NRXN3: variants seen among roughly 807,000 people sequenced by gnomAD.
NRXN3 encodes the protein neurexin III.
Under a neutral mutation model 137.6 loss-of-function variants are expected in NRXN3, and 32 were observed. That is an observed-to-expected ratio of 0.23 (90% CI 0.18 to 0.31). The LOEUF (loss-of-function observed/expected upper bound fraction) is 0.31, where lower values mean the gene tolerates loss of function less well. NRXN3 is among the 10% of genes least tolerant of loss of function. The pLI, the probability that NRXN3 is intolerant of heterozygous loss-of-function variation, is 1.00. For missense variants in NRXN3, 1,574 were observed against 2,062.5 expected, an observed-to-expected ratio of 0.76 and a Z score of 4.59; for synonymous variants, 798 against 784.5, an observed-to-expected ratio of 1.02 and a Z score of -0.29.
chr14:79,070,103 T>TA (rs1380633801), intron 15 of NRXN3, among the ~76,000 whole-genome samples: 1 of 152,184 alleles, frequency 6.6e-6, no homozygotes, highest in Admixed American at 6.6e-5. Flanking sequence ...GGAAGGATGT[T>TA]ATGACCCTCT....
rs375322640 is a variant in NRXN3, at chr14:78,525,236, CTAAA to C, written c.758-119881_758-119878del. 2.2e-4 allele frequency among the ~76,000 whole-genome samples: 33 copies of C among 152,238 alleles called. 1 individual carries two copies. The highest frequency in any genetic ancestry group is 5.8e-4 in the African/African-American group (24 of 41,538). On this transcript the variant is annotated intron_variant, in intron 4 of 20. Transcript: ENST00000335750. ...GCTTTCAAAATTTAGTAGGGGAAAA[CTAAA>C]TAGAGGCTTTCTCCCTTGTCTCAAA...
At chr14:78,487,742 CATAA>C (rs10601165) in intron 4 of NRXN3, among the ~76,000 whole-genome samples, 42,128 of 140,818 alleles carry the variant, frequency 0.3, 6,431 homozygotes, top group Non-Finnish European at 0.32. Context: ...AACTCCATCT[CATAA>C]ATAAATAAAT....
At chr14:78,334,590 T>C (rs1416823099) in intron 4 of NRXN3, among the ~76,000 whole-genome samples, 1 of 152,318 alleles carries the variant, frequency 6.6e-6, no homozygotes, top group East Asian at 1.9e-4. Flanking sequence ...GCGTGTTTGT[T>C]TTTTAAAGTG....
intron 15 of NRXN3, among the ~76,000 whole-genome samples, chr14:79,080,865 G>T (rs1340668663): frequency 6.6e-6 from 1 of 152,126 alleles, no homozygotes; most frequent in Non-Finnish European, 1.5e-5. Context: ...CCTGATTGAT[G>T]AAGATTTAGT....
intron 1 of NRXN3, among the ~76,000 whole-genome samples, chr14:78,196,277 G>A (rs919236026): frequency 4.6e-5 from 7 of 152,236 alleles, no homozygotes; most frequent in Non-Finnish European, 8.8e-5. Flanking sequence ...GCCATAGAGG[G>A]CAAATTCTCA....
intron 15 of NRXN3, among the ~76,000 whole-genome samples, chr14:79,427,593 A>G (rs1205113182): frequency 6.6e-6 from 1 of 152,166 alleles, no homozygotes; most frequent in Non-Finnish European, 1.5e-5. Flanking sequence ...TGGGTGACTC[A>G]CTTCAGGTCG....
chr14:78,750,389 T>C (rs1438439072), intron 8 of NRXN3, among the ~76,000 whole-genome samples: 1 of 151,874 alleles, frequency 6.6e-6, no homozygotes, highest in Admixed American at 6.6e-5. Context: ...CGTAGGAGAG[T>C]AGGTGATCTT....
chr14:78,186,138 TG>T (rs1345494888), intron 1 of NRXN3, among the ~76,000 whole-genome samples: 1 of 152,182 alleles, frequency 6.6e-6, no homozygotes, highest in Non-Finnish European at 1.5e-5. Flanking sequence ...ATCTAGTCCA[TG>T]GAGGTACATT....
intron 10 of NRXN3, among the ~76,000 whole-genome samples, chr14:78,904,118 T>C (rs947605046): frequency 6.6e-6 from 1 of 152,100 alleles, no homozygotes; most frequent in African/African-American, 2.4e-5. Flanking sequence ...ATTATTCAGA[T>C]AGTAAAAGGC....
intron 15 of NRXN3, among the ~76,000 whole-genome samples, chr14:79,323,291 C>T (rs1048909145): frequency 4.6e-5 from 7 of 152,130 alleles, no homozygotes; most frequent in African/African-American, 1.4e-4. Flanking sequence ...ATCCTCTTGT[C>T]TTAGTCTTCC....
intron 15 of NRXN3, among the ~76,000 whole-genome samples, chr14:79,201,821 A>T (rs2066053508): frequency 6.6e-6 from 1 of 152,238 alleles, no homozygotes; most frequent in Non-Finnish European, 1.5e-5. Context: ...ACCTTTTGCC[A>T]GGCACTGTTC....
At chr14:79,715,488 A>C (rs1035860366) in intron 19 of NRXN3, among the ~76,000 whole-genome samples, 1 of 152,216 alleles carries the variant, frequency 6.6e-6, no homozygotes, top group Non-Finnish European at 1.5e-5. Context: ...GGGCCTTTGT[A>C]GCCATTTTAT....
intron 4 of NRXN3, among the ~76,000 whole-genome samples, chr14:78,592,781 G>T (rs565452158): frequency 9.9e-5 from 15 of 152,270 alleles, no homozygotes; most frequent in Admixed American, 4.6e-4. Flanking sequence ...CTCCTGCTGG[G>T]TATTGTGCGT....
At chr14:79,664,368 G>A (rs568931743) in intron 17 of NRXN3, among the ~76,000 whole-genome samples, 3 of 152,242 alleles carry the variant, frequency 2.0e-5, no homozygotes, top group Admixed American at 1.3e-4. Flanking sequence ...ATGCCAGAGA[G>A]AGACTCTAAA....
intron 19 of NRXN3, among the ~76,000 whole-genome samples, chr14:79,769,273 C>G (rs199935973): frequency 6.7e-6 from 1 of 150,024 alleles, no homozygotes; most frequent in South Asian, 2.2e-4. Flanking sequence ...ATACAGAGAA[C>G]GCCACAAAGA....
At chr14:79,618,976 A>T (rs1360106769) in intron 16 of NRXN3, among the ~76,000 whole-genome samples, 1 of 151,902 alleles carries the variant, frequency 6.6e-6, no homozygotes, top group Non-Finnish European at 1.5e-5. Flanking sequence ...TCACTTTTTC[A>T]TGTAATTGTT....
chr14:79,610,510 A>C (rs2098085730), intron 16 of NRXN3, among the ~76,000 whole-genome samples: 2 of 152,234 alleles, frequency 1.3e-5, no homozygotes, highest in African/African-American at 4.8e-5. Flanking sequence ...ACTACGTGCC[A>C]GCCACAGCAC....
At chr14:78,982,081 T>TA (rs1215962247) in intron 14 of NRXN3, among the ~76,000 whole-genome samples, 2 of 152,104 alleles carry the variant, frequency 1.3e-5, no homozygotes, top group African/African-American at 2.4e-5. Context: ...CACGGCCAAT[T>TA]AAATACCACC....
At chr14:79,767,863 A>G (rs2371102) in intron 19 of NRXN3, among the ~76,000 whole-genome samples, 97,765 of 151,974 alleles carry the variant, frequency 0.64, 32,552 homozygotes, top group African/African-American at 0.79. Flanking sequence ...TGAGGTACCG[A>G]GTTCATCTCA....
Sources: allele counts gnomAD v4.1 joint callset (sites outside exome capture counted in the v4.1 genomes callset), GRCh38; gene constraint gnomAD v4.1.1; transcripts MANE v1.5; gene names NCBI Gene and HGNC (gene_info 2026-07-23, HGNC 2026-07-21).